Variants in RELN observed in about 807,000 individuals in gnomAD.
The protein encoded by RELN is reelin.
RELN carries 108 observed loss-of-function variants against 427.6 expected under a neutral mutation model. The ratio of observed to expected loss-of-function variants is 0.25; its 90% confidence interval spans 0.22 to 0.30. The LOEUF (loss-of-function observed/expected upper bound fraction) is 0.30, where lower values mean the gene tolerates loss of function less well. Ranked by LOEUF, RELN falls within the 10% of genes least tolerant of loss-of-function variation. The probability of loss-of-function intolerance (pLI) is 1.00; values close to 1 mark genes in which losing one functional copy is unlikely to be tolerated. For missense variants in RELN, 3,715 were observed against 4,302.8 expected (o/e 0.86, Z 3.82); for synonymous variants, 1,524 against 1,513.4 (o/e 1.01, Z -0.16).
chr7:103,862,121 C>T (rs528467608), intron 2 of RELN, among the ~76,000 whole-genome samples: 8 of 151,962 alleles, frequency 5.3e-5, no homozygotes, highest in Admixed American at 1.3e-4. Flanking sequence ...GTAGGAAATC[C>T]GAGGAGAGTG....
At chr7:103,700,038 A>G (rs1412401605) in intron 9 of RELN, among the ~76,000 whole-genome samples, 1 of 152,080 alleles carries the variant, frequency 6.6e-6, no homozygotes, top group Non-Finnish European at 1.5e-5. Flanking sequence ...GCTACCCTAA[A>G]TAATAGTTAT....
chr7:103,515,100 T>A, intron 50 of RELN, 85 bp downstream of exon 50: 1 of 1,541,134 alleles, frequency 6.5e-7, no homozygotes, highest in Non-Finnish European at 8.9e-7. Context: ...CTGAAAAGGT[T>A]CCATATTTTG....
At chr7:103,828,676 T>C (rs894756573) in intron 3 of RELN, among the ~76,000 whole-genome samples, 3 of 151,968 alleles carry the variant, frequency 2.0e-5, no homozygotes, top group Non-Finnish European at 4.4e-5. Flanking sequence ...TGATGAAGGA[T>C]AGGATATGAT....
chr7:103,979,706 C>A (rs1291536179), intron 1 of RELN, among the ~76,000 whole-genome samples: 1 of 152,150 alleles, frequency 6.6e-6, no homozygotes, highest in Non-Finnish European at 1.5e-5. Context: ...TGCCTGCAGA[C>A]TAACAACATT....
intron 1 of RELN, among the ~76,000 whole-genome samples, chr7:103,984,472 T>G (rs1032363957): frequency 1.3e-5 from 2 of 152,178 alleles, no homozygotes; most frequent in African/African-American, 2.4e-5. Flanking sequence ...GAAGTAGGAA[T>G]TTCTGCCAAA....
intron 1 of RELN, 78 bp from the exon 2 acceptor site, chr7:103,917,263 T>A: frequency 9.0e-7 from 1 of 1,114,164 alleles, no homozygotes; most frequent in Non-Finnish European, 1.4e-6. Flanking sequence ...TTAGACATTG[T>A]CAAAACAATC....
intron 24 of RELN, among the ~76,000 whole-genome samples, chr7:103,598,218 C>T (rs145123465): frequency 4.4e-4 from 67 of 152,278 alleles, no homozygotes; most frequent in Middle Eastern, 3.4e-3. Context: ...AAAATGAGAA[C>T]TGAAGTTAAT....
At chr7:103,606,336 A>T (rs362685) in intron 22 of RELN, among the ~76,000 whole-genome samples, 5,441 of 152,252 alleles carry the variant, frequency 0.036, 156 homozygotes, top group East Asian at 0.14. Flanking sequence ...AGTAAAGGGC[A>T]GCCTGCTTAT....
chr7:103,676,917 A>C (rs1235984076), intron 11 of RELN, among the ~76,000 whole-genome samples: 1 of 152,114 alleles, frequency 6.6e-6, no homozygotes, highest in Admixed American at 6.6e-5. Flanking sequence ...GAGGGATAGC[A>C]TTAGGAGATA....
intron 3 of RELN, among the ~76,000 whole-genome samples, chr7:103,805,605 GGATTGTA>G (rs1792579504): frequency 6.6e-6 from 1 of 152,130 alleles, no homozygotes; most frequent in Admixed American, 6.6e-5. Context: ...CCTTCTAACT[GGATTGTA>G]ATCTGAAGAT....
At chr7:103,856,523 T>G (rs1234475119) in intron 2 of RELN, among the ~76,000 whole-genome samples, 2 of 141,342 alleles carry the variant, frequency 1.4e-5, no homozygotes, top group Non-Finnish European at 3.0e-5. Flanking sequence ...GATCCAAGAT[T>G]GCCCCATTGA....
intron 2 of RELN, among the ~76,000 whole-genome samples, chr7:103,915,733 T>C (rs1253664951): frequency 6.6e-6 from 1 of 152,328 alleles, no homozygotes; most frequent in Middle Eastern, 3.4e-3. Flanking sequence ...TGCATACTTA[T>C]ACTAAAAAAA....
chr7:103,688,871 C>A (rs1049635529), intron 10 of RELN, among the ~76,000 whole-genome samples: 14 of 152,046 alleles, frequency 9.2e-5, no homozygotes, highest in African/African-American at 3.4e-4. Flanking sequence ...TACCTAACGT[C>A]TGTTGTCTTC....
intron 6 of RELN, among the ~76,000 whole-genome samples, chr7:103,735,134 G>A (rs912631806): frequency 6.6e-6 from 1 of 151,860 alleles, no homozygotes; most frequent in African/African-American, 2.4e-5. Flanking sequence ...AAAAAAACTA[G>A]GATCAAACCA....
At chr7:103,869,891 T>C (rs1794287895) in intron 2 of RELN, among the ~76,000 whole-genome samples, 2 of 152,152 alleles carry the variant, frequency 1.3e-5, no homozygotes, top group Admixed American at 1.3e-4. Flanking sequence ...TTTTGGACCA[T>C]TTCATATTTT....
In RELN at chr7:103,889,656, A is replaced by T. The variant is rs972914975; in HGVS notation, c.337+27419T>A. Among the ~76,000 whole-genome samples the T allele has an allele frequency of 1.4e-4, 22 of 152,120 alleles. 1 individual carries two copies. The highest frequency in any genetic ancestry group is 6.6e-5 in the Admixed American group (1 of 15,262). ...TTCTTTCCACCTGACAGATTGAGAA[A>T]GGGGGGCAGGGCAGGCAGAGACACT... is the stretch of plus-strand genomic sequence containing the variant. On this transcript the variant is annotated intron_variant, in intron 2 of 64. Coordinates refer to ENST00000428762, the MANE Select transcript of RELN (RefSeq NM_005045.4).
At chr7:103,651,549 G>A (rs1321481051) in intron 15 of RELN, 112 bp downstream of exon 15, 32 of 994,818 alleles carry the variant, frequency 3.2e-5, no homozygotes, top group Non-Finnish European at 4.9e-5. Context: ...CTTTTAAAGA[G>A]GTTAGGTTTC....
At chr7:103,920,569 TTTTTTTTTTG>T (rs1321387568) in intron 1 of RELN, among the ~76,000 whole-genome samples, 1 of 91,678 alleles carries the variant, frequency 1.1e-5, no homozygotes, top group African/African-American at 5.5e-5. Context: ...AGTCTTTGGT[TTTTTTTTTTG>T]TTTTTTTTTT....
intron 7 of RELN, 129 bp from the exon 8 acceptor site, chr7:103,723,320 A>G (rs1301185215): frequency 1.5e-6 from 1 of 678,796 alleles, no homozygotes; most frequent in Non-Finnish European, 2.7e-6. Context: ...CAGAAGTTGC[A>G]TTTATCCAGT....
Sources: allele counts gnomAD v4.1 joint callset (sites outside exome capture counted in the v4.1 genomes callset), GRCh38; gene constraint gnomAD v4.1.1; transcripts MANE v1.5; gene names NCBI Gene and HGNC (gene_info 2026-07-23, HGNC 2026-07-21).